HIP1R: variants seen among roughly 807,000 people sequenced by gnomAD.
The protein encoded by HIP1R is huntingtin-interacting protein 1-related protein.
A neutral mutation model predicts 144.2 loss-of-function variants in HIP1R; 135 were observed. That is an observed-to-expected ratio of 0.94 (90% CI 0.81 to 1.08). The LOEUF (loss-of-function observed/expected upper bound fraction) is 1.08, where lower values mean the gene tolerates loss of function less well. HIP1R is among the 50% of genes least tolerant of loss of function. HIP1R has a pLI of 0.00. For missense variants in HIP1R, 1,462 were observed against 1,432.8 expected, an observed-to-expected ratio of 1.02 and a Z score of -0.33; for synonymous variants, 698 against 612.8, an observed-to-expected ratio of 1.14 and a Z score of -2.05.
At position 122,860,775 on chromosome 12, in the gene HIP1R, G is replaced by A. The variant is rs548911952; in HGVS notation, c.2757G>A (p.Ala919=). The A allele has an allele frequency of 6.1e-5, 99 of 1,612,350 alleles. No individual in the cohort carries two copies. Among genetic ancestry groups the A allele is most frequent in the South Asian group, 1.8e-4 (16 of 91,004 alleles). Residue 919 remains alanine (A), a synonymous_variant, in exon 28 of 32, where the codon GCG becomes GCA. Transcript: ENST00000253083. ...EIAASTAQLV[A]ASKVKANKHS... is the part of the protein sequence containing the mutation. The stretch of plus-strand genomic sequence containing the variant: ...CAGCCAGCACGGCCCAGCTGGTGGC[G>A]GCCTCCAAGGTGAGCTTGCACGCCG...
intron 1 of HIP1R, among the ~76,000 whole-genome samples, 173 bp from the exon 2 acceptor site, chr12:122,847,858 G>C (rs1255099268): frequency 6.6e-6 from 1 of 152,190 alleles, no homozygotes; most frequent in African/African-American, 2.4e-5. Flanking sequence ...CACCGATCAG[G>C]CACAGGGAAG....
At chr12:122,848,973 A>C (rs2033294034) in intron 4 of HIP1R, 121 bp downstream of exon 4, 1 of 994,764 alleles carries the variant, frequency 1.0e-6, no homozygotes, top group African/African-American at 1.6e-5. Context: ...CCCAGGGGCG[A>C]CAGTGGGAGG....
In HIP1R at chr12:122,836,191, C is replaced by A. The variant is rs867478358; in HGVS notation, c.93+548C>A. Among the ~76,000 whole-genome samples, 10 of 152,250 alleles carry A rather than the reference C, an allele frequency of 6.6e-5. No homozygotes were observed. In the South Asian group the frequency reaches 2.1e-3, roughly 32 times the overall value. On this transcript the variant is annotated intron_variant, in intron 1 of 31. Coordinates refer to ENST00000253083, the MANE Select transcript of HIP1R (RefSeq NM_003959.3). This position sits in a 1 kb window ranked among gnomAD's most constrained non-coding sequence, Gnocchi z 4.1. ...GGAAATTCCTTAAACTCCCAGCTTC[C>A]TTCTCTCGTGAGCGGTTTCCCAGGG...
At position 122,849,877 on chromosome 12, in the gene HIP1R, ACATTTGCATG is replaced by A. The variant is rs2033322740; in HGVS notation, c.361_370del (p.His121ThrfsTer7). ...TCACCCTGTCTGTCTTCACACAGGGACATTTGCATGACCGCTACGGACAGCTGGTGAATGT... is the reference window on the plus strand; with the variant it reads ...TCACCCTGTCTGTCTTCACACAGGGAACCGCTACGGACAGCTGGTGAATGT... On this transcript the variant is annotated frameshift_variant, in exon 5 of 32. Coordinates refer to ENST00000253083, the MANE Select transcript of HIP1R (RefSeq NM_003959.3). LOFTEE classifies it high-confidence loss of function. 2 of 1,612,126 alleles carry A rather than the reference ACATTTGCATG, an allele frequency of 1.2e-6. No individual in the cohort carries two copies. Among genetic ancestry groups the A allele is most frequent in the South Asian group, 2.2e-5 (2 of 91,028 alleles).
chr12:122,861,918 C>T lies in HIP1R; in HGVS notation c.*165C>T. On this transcript the variant is annotated 3_prime_UTR_variant, in exon 32 of 32. Coordinates refer to ENST00000253083, the MANE Select transcript of HIP1R (RefSeq NM_003959.3). ...TGGCCCTTACTGAGCCTGCAGGGTC[C>T]TGGGCCATGTGGGTGGTGCTTCTGG... is the stretch of plus-strand genomic sequence containing the variant. 1 of 614,726 alleles carries T rather than the reference C, an allele frequency of 1.6e-6. No individual in the cohort carries two copies. The highest frequency in any genetic ancestry group is 2.9e-5 in the East Asian group (1 of 34,734). The allele number at this position is 614,726 out of a possible 1,614,324, so 38.1% of individuals were successfully genotyped here.
chr12:122,835,503 T>C lies in HIP1R; in HGVS notation c.-48T>C, dbSNP rs1220211559. ...GGCTGGGGCTGCCGGACCGTGAGGC[T>C]GTGAGTCGCGCGGACGGAGCCGGAC... On this transcript the variant is annotated 5_prime_UTR_variant, in exon 1 of 32. Coordinates refer to ENST00000253083, the MANE Select transcript of HIP1R (RefSeq NM_003959.3). The C allele has an allele frequency of 8.6e-6, 11 of 1,282,920 alleles. No individual in the cohort carries two copies. Among genetic ancestry groups the C allele is most frequent in the Non-Finnish European group, 1.1e-5 (11 of 1,007,402 alleles). 79.5% of individuals were successfully genotyped at this position (1,282,920 alleles called of 1,614,324 possible).
intron 5 of HIP1R, 106 bp from the exon 6 acceptor site, chr12:122,850,729 G>A (rs1378704252): frequency 2.0e-6 from 1 of 496,730 alleles, no homozygotes; most frequent in Non-Finnish European, 3.4e-6. Context: ...GGGTGTGGGG[G>A]GCCCTGGTTC....
chr12:122,835,583 G>T lies in HIP1R; in HGVS notation c.33G>T (p.Val11=), dbSNP rs2032859696. 1.5e-6 allele frequency: 2 copies of T among 1,352,286 alleles called. No homozygotes were observed. Among genetic ancestry groups the T allele is most frequent in the African/African-American group, 3.0e-5 (2 of 65,658 alleles). 83.8% of individuals were successfully genotyped at this position (1,352,286 alleles called of 1,614,324 possible). MNSIKNVPAR[V]LSRRPGHSLE... ...GCATCAAGAACGTGCCGGCGCGGGT[G>T]CTGAGCCGCAGGCCGGGCCACAGCC... is the stretch of plus-strand genomic sequence containing the variant. The change falls in exon 1 of 32, where the codon GTG becomes GTT. Residue 11 remains valine (V), a synonymous_variant. Transcript: ENST00000253083.
chr12:122,859,380 C>CA lies in HIP1R; in HGVS notation c.2296-46_2296-45insA, dbSNP rs568644658. The CA allele has an allele frequency of 6.0e-6, 9 of 1,511,140 alleles. No homozygotes were observed. The South Asian group carries it at 6.9e-5, about 12-fold the overall frequency. The allele number at this position is 1,511,140 out of a possible 1,614,324, so 93.6% of individuals were successfully genotyped here. A position where few individuals can be genotyped will look rare whatever the true frequency, so the allele number is the denominator to read the frequency against. ...CCTCTTTCCCAGGCTGCCCGTGGGA[C>CA]GGGGGGGGACGGAGGCTACCCCTGT... On this transcript the variant is annotated intron_variant, in intron 22 of 31. Transcript: ENST00000253083.
chr12:122,847,136 C>G (rs2033231519), intron 1 of HIP1R, among the ~76,000 whole-genome samples: 2 of 149,848 alleles, frequency 1.3e-5, no homozygotes, highest in African/African-American at 4.9e-5. Flanking sequence ...AGGTCACAAA[C>G]ATTGGTGGTG....
chr12:122,855,627 A>AGCCGACTGGGCTGGGGGT lies in HIP1R; in HGVS notation c.1055+17_1055+34dup, dbSNP rs1168333226. On this transcript the variant is annotated intron_variant, in intron 12 of 31. Transcript: ENST00000253083. ...AAGGACGACAGGTGAGGGCTGGAGG[A>AGCCGACTGGGCTGGGGGT]GCCGACTGGGCTGGGGGTGGTTGGA... 2 of 1,549,962 alleles carry AGCCGACTGGGCTGGGGGT rather than the reference A, an allele frequency of 1.3e-6. No homozygotes were observed. The highest frequency in any genetic ancestry group is 1.7e-6 in the Non-Finnish European group (2 of 1,146,882).
intron 1 of HIP1R, among the ~76,000 whole-genome samples, chr12:122,837,902 A>G (rs899783038): frequency 6.6e-6 from 1 of 152,224 alleles, no homozygotes; most frequent in African/African-American, 2.4e-5. Context: ...AAGGACCTGG[A>G]GAGCTGAGGT....
chr12:122,837,959 C>T (rs2032954369), intron 1 of HIP1R, among the ~76,000 whole-genome samples: 1 of 152,168 alleles, frequency 6.6e-6, no homozygotes. Flanking sequence ...ACATGCAGTC[C>T]AGGGACCTGG....
At position 122,836,118 on chromosome 12, in the gene HIP1R, C is replaced by G. The variant is rs995497150; in HGVS notation, c.93+475C>G. On this transcript the variant is annotated intron_variant, in intron 1 of 31. Transcript: ENST00000253083. The surrounding 1 kb of genome is among the most constrained non-coding windows in gnomAD (Gnocchi z 4.1). ...GCCGCTCCTTGCCGGCTCCTGCCCCCGTCTCCTACCCCCTGAAACCGATGC... is the reference window on the plus strand; with the variant it reads ...GCCGCTCCTTGCCGGCTCCTGCCCCGGTCTCCTACCCCCTGAAACCGATGC... Among the ~76,000 whole-genome samples the G allele has an allele frequency of 6.6e-6, 1 of 152,106 alleles. No individual in the cohort carries two copies. The highest frequency in any genetic ancestry group is 1.5e-5 in the Non-Finnish European group (1 of 67,998).
intron 1 of HIP1R, among the ~76,000 whole-genome samples, chr12:122,842,309 T>A (rs946303754): frequency 2.6e-5 from 4 of 152,216 alleles, no homozygotes; most frequent in Admixed American, 2.0e-4. Flanking sequence ...TCTGATTCAT[T>A]TCAGCGTTGA....
chr12:122,859,036 C>T, intron 21 of HIP1R, 25 bp from the exon 22 acceptor site: 1 of 1,604,706 alleles, frequency 6.2e-7, no homozygotes, highest in South Asian at 1.1e-5. Context: ...GGGGGGGCTC[C>T]ACTCACGGTC....
chr12:122,849,741 TTGG>T (rs923926865), intron 4 of HIP1R, 131 bp from the exon 5 acceptor site: 4 of 628,694 alleles, frequency 6.4e-6, no homozygotes, highest in Non-Finnish European at 1.2e-5. Flanking sequence ...GAGAGGGTGG[TTGG>T]TGGAGGCCAG....
chr12:122,861,586 G>A (rs2033775627), intron 31 of HIP1R, 72 bp downstream of exon 31: 4 of 1,568,600 alleles, frequency 2.6e-6, no homozygotes, highest in Non-Finnish European at 2.6e-6. Context: ...GGCACATGGT[G>A]CACGTCCCTG....
At chr12:122,849,156 G>C (rs946788192) in intron 4 of HIP1R, among the ~76,000 whole-genome samples, 1 of 152,268 alleles carries the variant, frequency 6.6e-6, no homozygotes, top group Non-Finnish European at 1.5e-5. Flanking sequence ...CCTGTGGCAG[G>C]GCGCAGGTTC....
Sources: gnomAD v4.1 joint callset for allele counts (sites outside exome capture counted in the v4.1 genomes callset) on GRCh38, gnomAD v4.1.1 for gene constraint, Gnocchi (gnomAD v3.1) non-coding constraint, MANE v1.5 for transcripts, NCBI Gene and HGNC (gene_info 2026-07-23, HGNC 2026-07-21) for gene names.